Variants in SUPV3L1 observed in about 807,000 individuals in gnomAD.
SUPV3L1 encodes the protein ATP-dependent RNA helicase SUPV3L1, mitochondrial.
In SUPV3L1, 35 loss-of-function variants were observed where a neutral mutation model predicts 70.0. The ratio of observed to expected loss-of-function variants is 0.50; its 90% CI spans 0.38 to 0.66. The LOEUF (loss-of-function observed/expected upper bound fraction) is 0.66. Among genes scored for constraint, SUPV3L1 ranks in the 30% least tolerant of loss-of-function variants. SUPV3L1 has a pLI of 0.00. For synonymous variants in SUPV3L1, 364 were observed against 341.9 expected (o/e 1.06, Z -0.71); for missense variants, 777 against 961.5 (o/e 0.81, Z 2.54).
At chr10:69,195,801 G>A (rs1391852193) in intron 7 of SUPV3L1, among the ~76,000 whole-genome samples, 4 of 152,038 alleles carry the variant, frequency 2.6e-5, no homozygotes. Context: ...GGAGTGTGAT[G>A]GCGCAGTTGT....
At chr10:69,203,812 A>G (rs753851865) in intron 13 of SUPV3L1, among the ~76,000 whole-genome samples, 2 of 151,632 alleles carry the variant, frequency 1.3e-5, no homozygotes, top group Non-Finnish European at 2.9e-5. Flanking sequence ...TGCAACCTCA[A>G]CCTCCCTGGC....
chr10:69,207,237 A>G (rs1426012325), intron 13 of SUPV3L1, among the ~76,000 whole-genome samples: 1 of 152,072 alleles, frequency 6.6e-6, no homozygotes, highest in African/African-American at 2.4e-5. Context: ...GAGCAGGGAT[A>G]CCCTATAGGT....
At chr10:69,185,345 C>G (rs1336501115) in intron 1 of SUPV3L1, among the ~76,000 whole-genome samples, 1 of 152,162 alleles carries the variant, frequency 6.6e-6, no homozygotes, top group Non-Finnish European at 1.5e-5. Context: ...TAGCTGCTCA[C>G]TGTTTGGATG....
At chr10:69,202,284 A>G (rs1266010609) in intron 11 of SUPV3L1, among the ~76,000 whole-genome samples, 155 bp from the exon 12 acceptor site, 3 of 152,170 alleles carry the variant, frequency 2.0e-5, no homozygotes, top group Non-Finnish European at 4.4e-5. Context: ...AAATGGTAAA[A>G]TGATATTTTT....
chr10:69,197,497 G>C (rs1309410315), intron 8 of SUPV3L1, among the ~76,000 whole-genome samples: 1 of 152,046 alleles, frequency 6.6e-6, no homozygotes, highest in Non-Finnish European at 1.5e-5. Flanking sequence ...TCTTAGAGTT[G>C]GAAGTAACTG....
chr10:69,196,230 G>A (rs1564707242), intron 7 of SUPV3L1, among the ~76,000 whole-genome samples: 1 of 152,008 alleles, frequency 6.6e-6, no homozygotes, highest in Non-Finnish European at 1.5e-5. Context: ...GGTGGCTCAC[G>A]CCTGTAATCC....
At chr10:69,182,922 T>C (rs1400987452) in intron 1 of SUPV3L1, among the ~76,000 whole-genome samples, 1 of 152,214 alleles carries the variant, frequency 6.6e-6, no homozygotes, top group Non-Finnish European at 1.5e-5. Flanking sequence ...CTGTGCTGTC[T>C]ATGGGGTGTC....
At chr10:69,187,542 G>GT in intron 3 of SUPV3L1, 100 bp from the exon 4 acceptor site, 1 of 751,354 alleles carries the variant, frequency 1.3e-6, no homozygotes, top group South Asian at 1.9e-5. Context: ...TACCCTGGCA[G>GT]TGCCCCCGCA....
intron 11 of SUPV3L1, 79 bp downstream of exon 11, chr10:69,200,578 C>T: frequency 8.2e-7 from 1 of 1,221,764 alleles, no homozygotes; most frequent in Non-Finnish European, 1.2e-6. Flanking sequence ...AGACTCTCAC[C>T]TCAGACACAT....
At position 69,202,507 on chromosome 10, in the gene SUPV3L1, G is replaced by A; in HGVS notation, c.1587G>A (p.Leu529=). The A allele has an allele frequency of 6.2e-7, 1 of 1,612,290 alleles. No homozygotes were observed. Among genetic ancestry groups the A allele is most frequent in the East Asian group, 2.2e-5 (1 of 44,822 alleles). ...CCTACCATCTCCCTGATGCAACACT[G>A]TCCAATCTCATTGTAAGTGGAAACT... is the stretch of plus-strand genomic sequence containing the variant. The part of the protein sequence containing the change: ...MFAYHLPDAT[L]SNLIDIFVDF... The change falls in exon 12 of 15, where the codon CTG becomes CTA. Residue 529 remains leucine, a synonymous_variant. Coordinates refer to ENST00000359655, the MANE Select transcript of SUPV3L1 (RefSeq NM_003171.5).
chr10:69,198,581 T>C (rs200043816), intron 9 of SUPV3L1, 29 bp downstream of exon 9: 3 of 1,603,488 alleles, frequency 1.9e-6, no homozygotes, highest in Admixed American at 1.7e-5. Flanking sequence ...CGTGACAAGA[T>C]ATGAAATCTC....
Position 69,198,977 on chromosome 10 carries a change from T to A in SUPV3L1, c.1205-127T>A, listed in dbSNP as rs1303196244. 2 of 688,234 alleles carry A rather than the reference T, an allele frequency of 2.9e-6. 1 individual carries two copies. Among genetic ancestry groups the A allele is most frequent in the Non-Finnish European group, 4.8e-6 (2 of 419,868 alleles). 42.6% of individuals were successfully genotyped at this position (688,234 alleles called of 1,614,324 possible). A position where few individuals can be genotyped will look rare whatever the true frequency, so the allele number is the denominator to read the frequency against. ...TCTTTGAGGATATAAAGAAATAAAG[T>A]TTGAAACAGTAAAGGTTTTATCATT... is the stretch of plus-strand genomic sequence containing the variant. On this transcript the variant is annotated intron_variant, in intron 9 of 14. Transcript: ENST00000359655.
At chr10:69,199,608 C>T (rs979533477) in intron 10 of SUPV3L1, among the ~76,000 whole-genome samples, 4 of 152,024 alleles carry the variant, frequency 2.6e-5, no homozygotes, top group Non-Finnish European at 4.4e-5. Context: ...GTCTCTAACT[C>T]CTGGCCTCCA....
intron 1 of SUPV3L1, among the ~76,000 whole-genome samples, chr10:69,183,220 A>G (rs185539748): frequency 6.6e-6 from 1 of 152,340 alleles, no homozygotes; most frequent in African/African-American, 2.4e-5. Flanking sequence ...ATTCTACCTC[A>G]TAAATGTTGG....
rs998030325 is a variant in SUPV3L1 at position 69,189,277 on chromosome 10, G to A, written c.583G>A (p.Ala195Thr). 6.2e-7 allele frequency: 1 copy of A among 1,613,344 alleles called. No individual in the cohort carries two copies. Among genetic ancestry groups the A allele is most frequent in the East Asian group, 2.2e-5 (1 of 44,854 alleles). The change falls in exon 5 of 15, where the codon GCT becomes ACT. Residue 195 changes from alanine to threonine, a missense_variant. By Grantham distance (58) the Ala-to-Thr change is moderately conservative. Around this residue, in one of 2 missense-constraint regions of SUPV3L1, gnomAD observed 619 missense variants for 823.3 expected, o/e 0.75. Transcript: ENST00000359655. The stretch of plus-strand genomic sequence containing the variant: ...CTACTCATGTTTTAGGTACCCAGAT[G>A]CTAGAGCCATGCAGCGGAAGATAAT... ...LRIPPNWYPD[A>T]RAMQRKIIFH...
Position 69,208,828 on chromosome 10 carries a change from T to A in SUPV3L1, c.2154T>A (p.Ser718Arg). The A allele has an allele frequency of 1.2e-6, 2 of 1,613,934 alleles. No individual in the cohort carries two copies. The highest frequency in any genetic ancestry group is 1.7e-6 in the Non-Finnish European group (2 of 1,180,006). The change falls in exon 15 of 15, where the codon AGT (serine) becomes AGA (arginine). Residue 718 changes from serine (S) to arginine (R), a missense_variant. Coordinates refer to ENST00000359655, the MANE Select transcript of SUPV3L1 (RefSeq NM_003171.5). Reference protein sequence around the residue: ...RRTRGTKALGSKATEPPSPDA... With the variant: ...RRTRGTKALGRKATEPPSPDA... ...CACGCGGCACCAAAGCTCTAGGGAG[T>A]AAAGCTACTGAGCCACCCAGCCCCG...
chr10:69,197,125 T>G, intron 8 of SUPV3L1, 42 bp downstream of exon 8: 1 of 1,555,718 alleles, frequency 6.4e-7, no homozygotes, highest in Non-Finnish European at 8.9e-7. Flanking sequence ...GCATATCAAA[T>G]AGTCCAGAGT....
chr10:69,187,791 G>T (rs778855457), intron 4 of SUPV3L1, 35 bp downstream of exon 4: 6 of 1,382,468 alleles, frequency 4.3e-6, no homozygotes, highest in South Asian at 1.3e-5. Context: ...GAAATTTTCA[G>T]TTTCTAATCT....
chr10:69,181,602 A>G (rs919825034), intron 1 of SUPV3L1, among the ~76,000 whole-genome samples: 2 of 152,174 alleles, frequency 1.3e-5, no homozygotes, highest in Admixed American at 1.3e-4. Flanking sequence ...TAATTTATAA[A>G]CAATAGAGGT....
Sources: allele counts gnomAD v4.1 joint callset (sites outside exome capture counted in the v4.1 genomes callset), GRCh38; gene constraint gnomAD v4.1.1; regional missense constraint gnomAD v4.1.1; transcripts MANE v1.5; gene names NCBI Gene and HGNC (gene_info 2026-07-23, HGNC 2026-07-21).